Variants in IMMP1L observed in about 807,000 individuals in gnomAD.
IMMP1L encodes mitochondrial inner membrane protease subunit 1.
Under a neutral mutation model 21.8 loss-of-function variants are expected in IMMP1L, and 24 were observed. The ratio of observed to expected loss-of-function variants is 1.10; its 90% CI spans 0.80 to 1.55. IMMP1L has a LOEUF of 1.55. Ranked by LOEUF, IMMP1L falls within the 40% of genes most tolerant of loss-of-function variation. The pLI is 0.00. For synonymous variants in IMMP1L, 46 were observed against 62.8 expected, an observed-to-expected ratio of 0.73 and a Z score of 1.26; for missense variants, 195 against 200.7, an observed-to-expected ratio of 0.97 and a Z score of 0.17.
chr11:31,433,427 A>G, intron 5 of IMMP1L, 33 bp downstream of exon 5: 1 of 1,278,398 alleles, frequency 7.8e-7, no homozygotes, highest in South Asian at 1.3e-5. Context: ...TAGCTCAGAA[A>G]ATAAACCTTA....
At chr11:31,504,467 C>G (rs1039004772) in intron 1 of IMMP1L, among the ~76,000 whole-genome samples, 1 of 152,156 alleles carries the variant, frequency 6.6e-6, no homozygotes, top group Non-Finnish European at 1.5e-5. Context: ...TCAACTTCGT[C>G]AGTTCAAATC....
At chr11:31,478,818 A>G (rs1041268605) in intron 1 of IMMP1L, among the ~76,000 whole-genome samples, 1 of 152,174 alleles carries the variant, frequency 6.6e-6, no homozygotes, top group Non-Finnish European at 1.5e-5. Flanking sequence ...TGATCATTTT[A>G]TAACTATACT....
At chr11:31,491,477 T>G (rs1186216209) in intron 1 of IMMP1L, among the ~76,000 whole-genome samples, 1 of 152,212 alleles carries the variant, frequency 6.6e-6, no homozygotes, top group Non-Finnish European at 1.5e-5. Flanking sequence ...GGTTCTACTA[T>G]GTGGCAAAAC....
intron 4 of IMMP1L, among the ~76,000 whole-genome samples, chr11:31,438,722 T>C (rs1446962513): frequency 1.3e-5 from 2 of 152,162 alleles, no homozygotes; most frequent in East Asian, 3.8e-4. Flanking sequence ...CCTTTTTTCC[T>C]CCTCTCTATT....
At chr11:31,456,664 G>A (rs557894089) in intron 3 of IMMP1L, among the ~76,000 whole-genome samples, 2 of 151,706 alleles carry the variant, frequency 1.3e-5, no homozygotes, top group East Asian at 1.9e-4. Flanking sequence ...ATTATCTTTT[G>A]CATTGTATCC....
chr11:31,493,073 G>T (rs1167065834), intron 1 of IMMP1L, among the ~76,000 whole-genome samples: 1 of 152,136 alleles, frequency 6.6e-6, no homozygotes, highest in Non-Finnish European at 1.5e-5. Context: ...TCGATACAGG[G>T]AAGCACAAAT....
intron 3 of IMMP1L, among the ~76,000 whole-genome samples, chr11:31,459,896 C>T (rs966612180): frequency 1.3e-5 from 2 of 152,144 alleles, no homozygotes; most frequent in Admixed American, 1.3e-4. Flanking sequence ...GTGGCTCACA[C>T]CTGTAATCCC....
At chr11:31,487,038 AT>A (rs1441906807) in intron 1 of IMMP1L, among the ~76,000 whole-genome samples, 4 of 151,766 alleles carry the variant, frequency 2.6e-5, no homozygotes, top group Admixed American at 2.6e-4. Context: ...ATTTATAATT[AT>A]TCATTGTATT....
chr11:31,507,177 G>A (rs757630697), intron 1 of IMMP1L, among the ~76,000 whole-genome samples: 1 of 151,794 alleles, frequency 6.6e-6, no homozygotes, highest in South Asian at 2.1e-4. Flanking sequence ...TACTCGGGAG[G>A]CTGAGGCAGG....
At chr11:31,500,627 A>ACACACT (rs1955590494) in intron 1 of IMMP1L, among the ~76,000 whole-genome samples, 1 of 150,310 alleles carries the variant, frequency 6.7e-6, no homozygotes, top group Non-Finnish European at 1.5e-5. Context: ...ACACACACAC[A>ACACACT]CTCCCCAAAG....
chr11:31,489,444 C>G (rs1955185755), intron 1 of IMMP1L, among the ~76,000 whole-genome samples: 1 of 152,106 alleles, frequency 6.6e-6, no homozygotes, highest in Admixed American at 6.6e-5. Flanking sequence ...ATGACACAAG[C>G]AGTTTAACTT....
At chr11:31,507,234 C>A (rs889377717) in intron 1 of IMMP1L, among the ~76,000 whole-genome samples, 2 of 151,814 alleles carry the variant, frequency 1.3e-5, no homozygotes, top group African/African-American at 2.4e-5. Context: ...GAGCCGAGAT[C>A]GCGCCACTGC....
chr11:31,466,657 C>T (rs1265532217), intron 1 of IMMP1L, among the ~76,000 whole-genome samples: 1 of 151,856 alleles, frequency 6.6e-6, no homozygotes, highest in African/African-American at 2.4e-5. Context: ...AAATCTGGCA[C>T]AGGAAGAAAA....
At chr11:31,505,903 A>C (rs1554953172) in intron 1 of IMMP1L, among the ~76,000 whole-genome samples, 1 of 152,236 alleles carries the variant, frequency 6.6e-6, no homozygotes, top group Non-Finnish European at 1.5e-5. Context: ...ATACATATAC[A>C]AATTATGTGT....
intron 1 of IMMP1L, among the ~76,000 whole-genome samples, chr11:31,492,682 T>C (rs1194960536): frequency 6.6e-6 from 1 of 152,206 alleles, no homozygotes; most frequent in African/African-American, 2.4e-5. Flanking sequence ...TTAATTTTCC[T>C]AATTTCAATA....
intron 1 of IMMP1L, among the ~76,000 whole-genome samples, chr11:31,498,713 T>C (rs558115393): frequency 6.6e-6 from 1 of 152,324 alleles, no homozygotes; most frequent in South Asian, 2.1e-4. Flanking sequence ...ACAGGCTAGC[T>C]CTATTGTGAA....
chr11:31,471,921 TA>T lies in IMMP1L; in HGVS notation c.-29-8617del, dbSNP rs562162975. ...CAAGACTGTTTCTTTCTAAAGGCTT[TA>T]GGGGAGAATCCATTTCCTTGCCTTT... On this transcript the variant is annotated intron_variant, in intron 1 of 5. Transcript: ENST00000532287. Among the ~76,000 whole-genome samples, 149 of 152,308 alleles carry T rather than the reference TA, an allele frequency of 9.8e-4. 1 individual carries two copies. Among genetic ancestry groups the T allele is most frequent in the Non-Finnish European group, 1.5e-3 (101 of 68,012 alleles).
intron 4 of IMMP1L, among the ~76,000 whole-genome samples, chr11:31,439,118 T>C (rs1370818105): frequency 6.6e-6 from 1 of 152,148 alleles, no homozygotes; most frequent in African/African-American, 2.4e-5. Context: ...TTCTTTGTAT[T>C]AGGCCAGAAC....
chr11:31,481,054 G>A lies in IMMP1L; in HGVS notation c.-29-17749C>T, dbSNP rs541271765. On this transcript the variant is annotated intron_variant, in intron 1 of 5. Coordinates refer to ENST00000532287, the MANE Select transcript of IMMP1L (RefSeq NM_001304274.2). ...CTAAGCAGATTACAGAAAACCCCGC[G>A]TTCCATATGATAACACACCATGGCC... Among the ~76,000 whole-genome samples, 5 of 152,140 alleles carry A rather than the reference G, an allele frequency of 3.3e-5. No individual in the cohort carries two copies. In the East Asian group the frequency reaches 5.8e-4, roughly 18 times the overall value.
Sources: allele counts gnomAD v4.1 joint callset (sites outside exome capture counted in the v4.1 genomes callset), GRCh38; gene constraint gnomAD v4.1.1; transcripts MANE v1.5; gene names NCBI Gene and HGNC (gene_info 2026-07-23, HGNC 2026-07-21).